RWDD4: variants seen among roughly 807,000 people sequenced by gnomAD.
The protein encoded by RWDD4 is RWD domain-containing protein 4.
RWDD4 carries 16 observed loss-of-function variants against 30.0 expected under a neutral mutation model. That is an observed-to-expected ratio of 0.53 (90% CI 0.36 to 0.81). The LOEUF (loss-of-function observed/expected upper bound fraction) is 0.81, where lower values mean the gene tolerates loss of function less well. Ranked by LOEUF, RWDD4 falls within the 30% of genes least tolerant of loss-of-function variation. RWDD4 has a pLI of 0.00. For synonymous variants in RWDD4, 45 were observed against 72.1 expected, an observed-to-expected ratio of 0.62 and a Z score of 1.90; for missense variants, 170 against 223.9, an observed-to-expected ratio of 0.76 and a Z score of 1.54.
chr4:183,655,968 TA>T lies in RWDD4; in HGVS notation c.25-8del. ...GTAATGCTTCTAGTTCCATCTGAAA[TA>T]AAGAACTGAATGAGTTTTGTTTAGT... On this transcript the variant is annotated splice_region_variant and splice_polypyrimidine_tract_variant and intron_variant, in intron 1 of 7. Coordinates refer to ENST00000326397, the MANE Select transcript of RWDD4 (RefSeq NM_152682.4). 3 of 1,590,692 alleles carry T rather than the reference TA, an allele frequency of 1.9e-6. No homozygotes were observed. Among genetic ancestry groups the T allele is most frequent in the Non-Finnish European group, 2.6e-6 (3 of 1,161,744 alleles).
rs1734185399 is a variant in RWDD4, at chr4:183,655,973, A to C, written c.25-12T>G. 6.3e-7 allele frequency: 1 copy of C among 1,575,086 alleles called. No individual in the cohort carries two copies. The highest frequency in any genetic ancestry group is 8.7e-7 in the Non-Finnish European group (1 of 1,147,854). ...GCTTCTAGTTCCATCTGAAATAAAG[A>C]ACTGAATGAGTTTTGTTTAGTGGTA... On this transcript the variant is annotated splice_polypyrimidine_tract_variant and intron_variant, in intron 1 of 7. Transcript: ENST00000326397.
intron 5 of RWDD4, among the ~76,000 whole-genome samples, chr4:183,648,191 C>T (rs185743408): frequency 8.6e-4 from 130 of 150,328 alleles, no homozygotes; most frequent in African/African-American, 3.0e-3. Flanking sequence ...TTGCAGTGAT[C>T]GCGCCACTGC....
intron 2 of RWDD4, among the ~76,000 whole-genome samples, chr4:183,652,861 G>T (rs1579130586): frequency 6.6e-6 from 1 of 150,812 alleles, no homozygotes; most frequent in Non-Finnish European, 1.5e-5. Flanking sequence ...CAAGTAGCTG[G>T]AGCTACAGGC....
chr4:183,643,071 T>C (rs1196990960), intron 7 of RWDD4, among the ~76,000 whole-genome samples: 1 of 69,414 alleles, frequency 1.4e-5, no homozygotes. Context: ...AATAAATAAA[T>C]AAATAAATAA....
At chr4:183,647,393 T>A (rs1404244658) in intron 5 of RWDD4, among the ~76,000 whole-genome samples, 2 of 152,216 alleles carry the variant, frequency 1.3e-5, no homozygotes, top group Non-Finnish European at 2.9e-5. Context: ...TTAGATGCTA[T>A]CGGTTCTTTT....
chr4:183,651,620 T>C (rs918082547), intron 2 of RWDD4, among the ~76,000 whole-genome samples: 8 of 152,160 alleles, frequency 5.3e-5, no homozygotes, highest in African/African-American at 1.9e-4. Context: ...AGGTATTTTT[T>C]AGTGTTTTCC....
Position 183,641,367 on chromosome 4 carries a change from G to A in RWDD4, c.*69C>T. ...AAAGTCGCCTCAATACCAGAAAATA[G>A]TAATGAAAGATTTTGAACCCAGTTT... On this transcript the variant is annotated 3_prime_UTR_variant, in exon 8 of 8. Transcript: ENST00000326397. 7.9e-7 allele frequency: 1 copy of A among 1,263,750 alleles called. No individual in the cohort carries two copies. The highest frequency in any genetic ancestry group is 1.3e-5 in the South Asian group (1 of 78,108). The allele number at this position is 1,263,750 out of a possible 1,614,324, so 78.3% of individuals were successfully genotyped here. A position where few individuals can be genotyped will look rare whatever the true frequency, so the allele number is the denominator to read the frequency against.
intron 1 of RWDD4, among the ~76,000 whole-genome samples, chr4:183,658,680 T>G (rs1405560130): frequency 6.6e-6 from 1 of 152,254 alleles, no homozygotes; most frequent in Non-Finnish European, 1.5e-5. Flanking sequence ...CGCTCATCCC[T>G]GTTATTAAGT....
At chr4:183,644,588 G>C (rs1203537944) in intron 7 of RWDD4, among the ~76,000 whole-genome samples, 1 of 152,024 alleles carries the variant, frequency 6.6e-6, no homozygotes, top group Non-Finnish European at 1.5e-5. Context: ...AGACCACCCT[G>C]GTCTACATGG....
At chr4:183,650,518 T>C (rs1435529007) in intron 4 of RWDD4, among the ~76,000 whole-genome samples, 1 of 152,210 alleles carries the variant, frequency 6.6e-6, no homozygotes, top group Non-Finnish European at 1.5e-5. Flanking sequence ...CTAAAACTAT[T>C]CTAGAAATAA....
rs143758530 is a variant in RWDD4 at position 183,646,484 on chromosome 4, A to G, written c.531+4T>C. 6.2e-4 allele frequency: 1,007 copies of G among 1,611,726 alleles called. 25 individuals are homozygous for G. In the East Asian group the frequency reaches 0.021, roughly 34 times the overall value. On this transcript the variant is annotated splice_donor_region_variant and intron_variant, in intron 6 of 7. Coordinates refer to ENST00000326397, the MANE Select transcript of RWDD4 (RefSeq NM_152682.4). ...TTAAAGACTAGAATATAAATGTTAT[A>G]TACCTTCACAACATCAACCCAGTTC...
intron 1 of RWDD4, among the ~76,000 whole-genome samples, chr4:183,658,575 A>G (rs1480380133): frequency 6.6e-6 from 1 of 152,226 alleles, no homozygotes; most frequent in Non-Finnish European, 1.5e-5. Context: ...AGATGACCAG[A>G]CTAAAATTTA....
rs575162084 is a variant in RWDD4 at position 183,642,385 on chromosome 4, T to C, written c.535-917A>G. Among the ~76,000 whole-genome samples, 16 of 86,644 alleles carry C rather than the reference T, an allele frequency of 1.8e-4. 8 individuals carry two copies. The highest frequency in any genetic ancestry group is 9.0e-4 in the African/African-American group (12 of 13,326). 56.8% of individuals were successfully genotyped at this position (86,644 alleles called of 152,430 possible). A position where few individuals can be genotyped will look rare whatever the true frequency, so the allele number is the denominator to read the frequency against. The stretch of plus-strand genomic sequence containing the variant: ...TTTGTATTTTTAGTAGAGACGGGGT[T>C]TCACCGTGTTAGCCAGGATGGTCTC... On this transcript the variant is annotated intron_variant, in intron 7 of 7. Transcript: ENST00000326397.
In RWDD4 at chr4:183,659,095, C is replaced by T. The variant is rs1429802798; in HGVS notation, c.-143G>A. ...CAGTCTTGGCACTGGCAGACGCCAA[C>T]TGCGCGCGCCCCGAGCCTCGGCAGC... is the stretch of plus-strand genomic sequence containing the variant. On this transcript the variant is annotated 5_prime_UTR_variant, in exon 1 of 8. Coordinates refer to ENST00000326397, the MANE Select transcript of RWDD4 (RefSeq NM_152682.4). The T allele has an allele frequency of 1.2e-5, 7 of 576,594 alleles. No homozygotes were observed. The highest frequency in any genetic ancestry group is 1.8e-5 in the Non-Finnish European group (7 of 390,532). The allele number at this position is 576,594 out of a possible 1,614,324, so 35.7% of individuals were successfully genotyped here. A position where few individuals can be genotyped will look rare whatever the true frequency, so the allele number is the denominator to read the frequency against.
chr4:183,649,586 T>A lies in RWDD4; in HGVS notation c.364-18A>T. On this transcript the variant is annotated intron_variant, in intron 4 of 7. Coordinates refer to ENST00000326397, the MANE Select transcript of RWDD4 (RefSeq NM_152682.4). Reference sequence around the variant, plus strand: ...ATCGATGTCTAAAAAAAAAAAGAAATAATTCTCAGCCTCATACCTTACAAC... The same window carrying A: ...ATCGATGTCTAAAAAAAAAAAGAAAAAATTCTCAGCCTCATACCTTACAAC... 4 of 1,331,402 alleles carry A rather than the reference T, an allele frequency of 3.0e-6. No homozygotes were observed. The highest frequency in any genetic ancestry group is 3.2e-6 in the Non-Finnish European group (3 of 935,462). 82.5% of individuals were successfully genotyped at this position (1,331,402 alleles called of 1,614,324 possible). A position where few individuals can be genotyped will look rare whatever the true frequency, so the allele number is the denominator to read the frequency against.
rs1733849924 is a variant in RWDD4, at chr4:183,641,283, G to A, written c.*153C>T. 1.5e-6 allele frequency: 1 copy of A among 681,928 alleles called. No individual in the cohort carries two copies. The highest frequency in any genetic ancestry group is 2.6e-6 in the Non-Finnish European group (1 of 379,570). The allele number at this position is 681,928 out of a possible 1,614,324, so 42.2% of individuals were successfully genotyped here. On this transcript the variant is annotated 3_prime_UTR_variant, in exon 8 of 8. Transcript: ENST00000326397. ...ATTTAATACAACAAGATCTCTTCAT[G>A]AACTTTCAACTTACAACCTTTTTAA... is the stretch of plus-strand genomic sequence containing the variant.
At chr4:183,656,733 T>G (rs991883225) in intron 1 of RWDD4, among the ~76,000 whole-genome samples, 3 of 152,062 alleles carry the variant, frequency 2.0e-5, no homozygotes, top group African/African-American at 7.2e-5. Flanking sequence ...AATTTTAGAA[T>G]AGAAATTATT....
rs112763522 is a variant in RWDD4 at position 183,655,505 on chromosome 4, C to T, written c.105+376G>A. 5.8e-3 allele frequency among the ~76,000 whole-genome samples: 880 copies of T among 151,990 alleles called. 6 individuals carry two copies. Among genetic ancestry groups the T allele is most frequent in the African/African-American group, 0.02 (836 of 41,466 alleles). ...TTCACCATGTTGGCCAGGATGGTCT[C>T]GATCTCCTGACCTCGTGATCCGCCC... On this transcript the variant is annotated intron_variant, in intron 2 of 7. Coordinates refer to ENST00000326397, the MANE Select transcript of RWDD4 (RefSeq NM_152682.4).
At chr4:183,650,595 G>T (rs964014134) in intron 4 of RWDD4, among the ~76,000 whole-genome samples, 25 of 151,946 alleles carry the variant, frequency 1.6e-4, no homozygotes, top group African/African-American at 4.8e-4. Context: ...TTGAACTGTG[G>T]CAAGACTGTT....
Sources: allele counts gnomAD v4.1 joint callset (sites outside exome capture counted in the v4.1 genomes callset), GRCh38; gene constraint gnomAD v4.1.1; transcripts MANE v1.5; gene names NCBI Gene and HGNC (gene_info 2026-07-23, HGNC 2026-07-21).